FRK: variants seen among roughly 807,000 people sequenced by gnomAD.
The protein encoded by FRK is tyrosine-protein kinase FRK.
FRK carries 51 observed loss-of-function variants against 56.4 expected under a neutral mutation model. The observed-to-expected ratio is 0.90, with a 90% CI of 0.72 to 1.14. FRK has a LOEUF of 1.14. Among genes scored for constraint, FRK ranks in the 50% most tolerant of loss-of-function variants. FRK has a pLI of 0.00. For missense variants in FRK, 570 were observed against 601.4 expected (o/e 0.95, Z 0.55); for synonymous variants, 245 against 217.9 (o/e 1.12, Z -1.10).
At chr6:115,981,280 T>C (rs1774189893) in intron 2 of FRK, among the ~76,000 whole-genome samples, 1 of 152,132 alleles carries the variant, frequency 6.6e-6, no homozygotes, top group Non-Finnish European at 1.5e-5. Flanking sequence ...AAAGAGAATA[T>C]GATATGTGAA....
Position 115,939,866 on chromosome 6 carries a change from G to T in FRK, c.*2548C>A, listed in dbSNP as rs1251125219. The T allele has an allele frequency of 6.6e-6, 1 of 152,226 alleles. No homozygotes were observed. The highest frequency in any genetic ancestry group is 6.5e-5 in the Admixed American group (1 of 15,286). 9.4% of individuals were successfully genotyped at this position (152,226 alleles called of 1,614,324 possible). A position where few individuals can be genotyped will look rare whatever the true frequency, so the allele number is the denominator to read the frequency against. On this transcript the variant is annotated 3_prime_UTR_variant, in exon 8 of 8. Coordinates refer to ENST00000606080, the MANE Select transcript of FRK (RefSeq NM_002031.3). ...AATGGAAAAACATTCCATGCTCATG[G>T]ATAGGAAGAATCAATATCGTGAAAA...
chr6:116,092,453 C>CT, the FRK span, among the ~76,000 whole-genome samples: 7 of 152,148 alleles, frequency 4.6e-5, no homozygotes, highest in Non-Finnish European at 7.3e-5. Context: ...GCTTAGGACT[C>CT]TAACAGGTTT....
intron 1 of FRK, chr6:116,039,633 C>T (rs1776635624): frequency 4.0e-6 from 3 of 756,864 alleles, no homozygotes. Flanking sequence ...CTGTACCTTC[C>T]TTTACTGTTT....
the FRK span, among the ~76,000 whole-genome samples, chr6:116,068,963 G>A: frequency 3.3e-5 from 5 of 152,088 alleles, no homozygotes; most frequent in Non-Finnish European, 7.4e-5. Flanking sequence ...CCGCAAATGG[G>A]ATTAGAGAAC....
chr6:116,009,626 C>G (rs1562283823), intron 1 of FRK, among the ~76,000 whole-genome samples: 1 of 151,632 alleles, frequency 6.6e-6, no homozygotes, highest in Admixed American at 6.6e-5. Flanking sequence ...TTAACAATAA[C>G]CAAGAAGAAG....
intron 1 of FRK, among the ~76,000 whole-genome samples, chr6:116,054,519 T>A (rs1467251117): frequency 6.9e-6 from 1 of 144,910 alleles, no homozygotes; most frequent in East Asian, 2.1e-4. Context: ...TTATACTATA[T>A]ATTATATATT....
At chr6:116,050,547 G>A (rs1019245499) in intron 1 of FRK, among the ~76,000 whole-genome samples, 7 of 152,060 alleles carry the variant, frequency 4.6e-5, no homozygotes, top group East Asian at 3.9e-4. Context: ...TTACTGAAGC[G>A]CTCTACTCTT....
the FRK span, among the ~76,000 whole-genome samples, chr6:116,098,558 G>A: frequency 6.6e-6 from 1 of 152,100 alleles, no homozygotes; most frequent in Non-Finnish European, 1.5e-5. Flanking sequence ...CTTCCTTAAA[G>A]GCCCTATGTC....
rs201595206 is a variant in FRK, at chr6:115,956,437, A to G, written c.958+15T>C. ...AAATTCCTCTTTTTTTCCTTGTATTAAGTCTTTAGCTTACTTTGGAGATAT... is the reference window on the plus strand; with the variant it reads ...AAATTCCTCTTTTTTTCCTTGTATTGAGTCTTTAGCTTACTTTGGAGATAT... On this transcript the variant is annotated intron_variant, in intron 5 of 7. Transcript: ENST00000606080. The G allele has an allele frequency of 2.7e-6, 4 of 1,486,324 alleles. No individual in the cohort carries two copies. The highest frequency in any genetic ancestry group is 2.3e-5 in the Admixed American group (1 of 42,812). The allele number at this position is 1,486,324 out of a possible 1,614,324, so 92.1% of individuals were successfully genotyped here.
chr6:116,035,359 AAATATCCAATTTC>A (rs1776439159), intron 1 of FRK, among the ~76,000 whole-genome samples: 1 of 152,200 alleles, frequency 6.6e-6, no homozygotes, highest in East Asian at 1.9e-4. Flanking sequence ...ATCAGTACAC[AAATATCCAATTTC>A]AGTTGACCTC....
At chr6:116,004,929 C>T (rs919535397) in intron 1 of FRK, among the ~76,000 whole-genome samples, 1 of 151,736 alleles carries the variant, frequency 6.6e-6, no homozygotes, top group African/African-American at 2.4e-5. Context: ...TTTCAGGTAA[C>T]TTCTTTAAAA....
rs1331553456 is a variant in FRK at position 115,939,346 on chromosome 6, C to G, written c.*3068G>C. Reference sequence around the variant, plus strand: ...ATGGAACGTAGCTCAAAAAAAATGACAGATTTAAGACAAAACCACAGCCAA... The same window carrying G: ...ATGGAACGTAGCTCAAAAAAAATGAGAGATTTAAGACAAAACCACAGCCAA... On this transcript the variant is annotated 3_prime_UTR_variant, in exon 8 of 8. Transcript: ENST00000606080. The G allele has an allele frequency of 6.6e-6, 1 of 151,802 alleles. No homozygotes were observed. Among genetic ancestry groups the G allele is most frequent in the African/African-American group, 2.4e-5 (1 of 41,352 alleles). The allele number at this position is 151,802 out of a possible 1,614,324, so 9.4% of individuals were successfully genotyped here.
the FRK span, among the ~76,000 whole-genome samples, chr6:116,073,474 A>C: frequency 1.3e-5 from 2 of 152,178 alleles, no homozygotes; most frequent in South Asian, 2.1e-4. Context: ...TTCTAACTGG[A>C]AACAAAGAAA....
chr6:116,100,352 T>C, the FRK span, among the ~76,000 whole-genome samples: 1 of 152,242 alleles, frequency 6.6e-6, no homozygotes, highest in African/African-American at 2.4e-5. Flanking sequence ...ATAAAGTTTT[T>C]GGTTTAAACC....
intron 1 of FRK, among the ~76,000 whole-genome samples, chr6:116,030,181 C>G (rs1776248321): frequency 6.6e-6 from 1 of 152,052 alleles, no homozygotes; most frequent in Admixed American, 6.6e-5. Flanking sequence ...GAGCCAGCCA[C>G]TCCACAATTC....
At position 115,939,566 on chromosome 6, in the gene FRK, T is replaced by C. The variant is rs918437966; in HGVS notation, c.*2848A>G. The C allele has an allele frequency of 6.6e-6, 1 of 152,186 alleles. No homozygotes were observed. The highest frequency in any genetic ancestry group is 1.5e-5 in the Non-Finnish European group (1 of 68,034). 9.4% of individuals were successfully genotyped at this position (152,186 alleles called of 1,614,324 possible). A position where few individuals can be genotyped will look rare whatever the true frequency, so the allele number is the denominator to read the frequency against. On this transcript the variant is annotated 3_prime_UTR_variant, in exon 8 of 8. Transcript: ENST00000606080. ...TGTCTCTGTTTGCAGATGATATGAA[T>C]TGTATATATAGGGAACCCCACCATC...
chr6:116,037,323 A>G (rs1369868826), intron 1 of FRK, among the ~76,000 whole-genome samples: 1 of 152,128 alleles, frequency 6.6e-6, no homozygotes, highest in African/African-American at 2.4e-5. Context: ...TTCTTTTTAC[A>G]TTAAGAAAGA....
At chr6:116,070,968 A>G in the FRK span, among the ~76,000 whole-genome samples, 1 of 152,164 alleles carries the variant, frequency 6.6e-6, no homozygotes, top group South Asian at 2.1e-4. Context: ...AACTAAGTTC[A>G]TAATAATGAT....
intron 2 of FRK, among the ~76,000 whole-genome samples, chr6:115,985,717 C>G (rs1200106825): frequency 6.6e-6 from 1 of 151,994 alleles, no homozygotes; most frequent in Non-Finnish European, 1.5e-5. Context: ...ACAAGGGAAG[C>G]ACTCTGTAGA....
Sources: gnomAD v4.1 joint callset for allele counts (sites outside exome capture counted in the v4.1 genomes callset) on GRCh38, gnomAD v4.1.1 for gene constraint, MANE v1.5 for transcripts, NCBI Gene and HGNC (gene_info 2026-07-23, HGNC 2026-07-21) for gene names.